PTK2: variants seen among roughly 807,000 people sequenced by gnomAD.
PTK2 encodes the protein protein tyrosine kinase 2.
PTK2 carries 45 observed loss-of-function variants against 150.1 expected under a neutral mutation model. The observed-to-expected ratio is 0.30, with a 90% CI of 0.24 to 0.38. The LOEUF (loss-of-function observed/expected upper bound fraction) is 0.38, where lower values mean the gene tolerates loss of function less well. Among genes scored for constraint, PTK2 ranks in the 10% least tolerant of loss-of-function variants. PTK2 has a pLI of 1.00. For missense variants in PTK2, 919 were observed against 1,307.3 expected (o/e 0.70, Z 4.58); for synonymous variants, 432 against 449.2 (o/e 0.96, Z 0.48).
chr8:140,700,840 G>C (rs765242154), intron 26 of PTK2, 51 bp downstream of exon 29: 1 of 1,597,056 alleles, frequency 6.3e-7, no homozygotes. Context: ...CAATATAGTA[G>C]ACTCTAACAG....
At chr8:140,749,096 C>T (rs543648943) in intron 17 of PTK2, among the ~76,000 whole-genome samples, 1 of 152,280 alleles carries the variant, frequency 6.6e-6, no homozygotes, top group East Asian at 1.9e-4. Flanking sequence ...CTGTCTAGCT[C>T]ACTTATGTGT....
intron 1 of PTK2, among the ~76,000 whole-genome samples, chr8:140,973,102 G>C (rs2100187955): frequency 6.6e-6 from 1 of 152,140 alleles, no homozygotes; most frequent in Admixed American, 6.5e-5. Flanking sequence ...CTTATATCTA[G>C]GAGCAATAAT....
Position 140,679,557 on chromosome 8 carries a change from C to T in PTK2, c.2563-4058G>A, listed in dbSNP as rs115062087. 3.8e-3 allele frequency among the ~76,000 whole-genome samples: 580 copies of T among 152,188 alleles called. 5 individuals carry two copies. Among genetic ancestry groups the T allele is most frequent in the African/African-American group, 0.013 (555 of 41,530 alleles). On this transcript the variant is annotated intron_variant, in intron 27 of 31. Coordinates refer to ENST00000522684, the Ensembl canonical transcript of PTK2. ...GCTAGGCCTCGTGCATGGTTCTGTG[C>T]GGAACCAGCTGTTTACTTTGGAAAA...
intron 23 of PTK2, among the ~76,000 whole-genome samples, chr8:140,706,757 T>C (rs1350655710): frequency 2.0e-5 from 3 of 152,150 alleles, no homozygotes; most frequent in South Asian, 2.1e-4. Context: ...TGAAAATATA[T>C]ATCCACACAA....
chr8:140,861,080 C>G (rs1318124434), intron 5 of PTK2, among the ~76,000 whole-genome samples: 1 of 152,204 alleles, frequency 6.6e-6, no homozygotes, highest in Non-Finnish European at 1.5e-5. Context: ...GTGGCTCATG[C>G]CTATACTCCC....
chr8:140,674,810 G>T (rs1295862716), intron 28 of PTK2, among the ~76,000 whole-genome samples: 2 of 151,964 alleles, frequency 1.3e-5, no homozygotes, highest in African/African-American at 2.4e-5. Flanking sequence ...CACTTTGGGA[G>T]GCTGAGGCGG....
intron 10 of PTK2, among the ~76,000 whole-genome samples, chr8:140,810,248 G>T (rs1366403855): frequency 1.3e-5 from 2 of 152,250 alleles, no homozygotes; most frequent in Non-Finnish European, 2.9e-5. Flanking sequence ...AGCCCAGAGG[G>T]TTTGGTGCAG....
intron 1 of PTK2, among the ~76,000 whole-genome samples, chr8:140,953,557 G>C (rs1369049562): frequency 6.6e-5 from 10 of 152,186 alleles, no homozygotes; most frequent in Non-Finnish European, 1.5e-4. Context: ...GGACAGATCA[G>C]GGTGCATGAG....
exon 30 of PTK2, chr8:140,668,325 C>T (rs745501327): frequency 9.9e-6 from 16 of 1,613,964 alleles, no homozygotes; most frequent in African/African-American, 2.7e-5. Context: ...CTGGACATCT[C>T]GATGACAGCT....
At chr8:140,743,320 C>T (rs748823989) in exon 20 of PTK2, 12 of 1,612,208 alleles carry the variant, frequency 7.4e-6, no homozygotes, top group Non-Finnish European at 1.0e-5. Flanking sequence ...ACATTCCGAG[C>T]AGCAATGTCC....
chr8:140,769,721 A>T (rs953208276), intron 14 of PTK2, 129 bp from the exon 16 acceptor site: 7 of 474,458 alleles, frequency 1.5e-5, no homozygotes, highest in East Asian at 1.3e-4. Context: ...TAAGAAAAAT[A>T]AAAAACAATT....
chr8:140,813,183 C>T (rs565595757), intron 10 of PTK2, among the ~76,000 whole-genome samples: 2 of 152,210 alleles, frequency 1.3e-5, no homozygotes, highest in East Asian at 1.9e-4. Flanking sequence ...ATAACCATTC[C>T]CTCAGAGCAC....
In PTK2 at chr8:140,693,573, A is replaced by T. The variant is rs1428152962; in HGVS notation, c.2500-6879T>A. Among the ~76,000 whole-genome samples, 224 of 48,994 alleles carry T rather than the reference A, an allele frequency of 4.6e-3. 31 individuals carry two copies. In the East Asian group the frequency reaches 0.068, roughly 15 times the overall value. The allele number at this position is 48,994 out of a possible 152,430, so 32.1% of individuals were successfully genotyped here. Reference sequence around the variant, plus strand: ...GAGACTTTGTCTCAATTAAAAAAAAAAAAAAAAAAAAAAAAAAAAAAAAAA... The same window carrying T: ...GAGACTTTGTCTCAATTAAAAAAAATAAAAAAAAAAAAAAAAAAAAAAAAA... On this transcript the variant is annotated intron_variant, in intron 26 of 31. Coordinates refer to ENST00000522684, the Ensembl canonical transcript of PTK2.
chr8:140,989,617 G>A (rs1350449519), intron 1 of PTK2, among the ~76,000 whole-genome samples: 1 of 151,608 alleles, frequency 6.6e-6, no homozygotes, highest in Non-Finnish European at 1.5e-5. Context: ...ATTTTAAAAA[G>A]TGCAACCTCG....
At chr8:140,951,508 G>C (rs570714260) in intron 1 of PTK2, among the ~76,000 whole-genome samples, 22 of 152,176 alleles carry the variant, frequency 1.4e-4, no homozygotes, top group Non-Finnish European at 3.1e-4. Flanking sequence ...CTGGTTATGA[G>C]GTTATTTTCC....
Position 140,670,488 on chromosome 8 carries a change from AACACACACACACACACAC to A in PTK2, c.2710-2082_2710-2065del, listed in dbSNP as rs57247522. Among the ~76,000 whole-genome samples, 64 of 38,980 alleles carry A rather than the reference AACACACACACACACACAC, an allele frequency of 1.6e-3. 6 individuals are homozygous for A. Among genetic ancestry groups the A allele is most frequent in the Middle Eastern group, 0.043 (2 of 46 alleles). 25.6% of individuals were successfully genotyped at this position (38,980 alleles called of 152,430 possible). A position where few individuals can be genotyped will look rare whatever the true frequency, so the allele number is the denominator to read the frequency against. On this transcript the variant is annotated intron_variant, in intron 29 of 31. Coordinates refer to ENST00000522684, the Ensembl canonical transcript of PTK2. ...AAAAAAAAAAAAAAAAAAAAACAACAACACACACACACACACACACACACACACACACACACACACACA... is the reference window on the plus strand; with the variant it reads ...AAAAAAAAAAAAAAAAAAAAACAACAACACACACACACACACACACACACA...
chr8:140,758,520 G>GC (rs2154541123), intron 16 of PTK2, among the ~76,000 whole-genome samples: 1 of 152,310 alleles, frequency 6.6e-6, no homozygotes, highest in South Asian at 2.1e-4. Context: ...GCACATTACT[G>GC]CCTCTGAGGA....
chr8:140,927,110 A>G (rs542101990), intron 1 of PTK2, among the ~76,000 whole-genome samples: 71 of 152,230 alleles, frequency 4.7e-4, no homozygotes, highest in Non-Finnish European at 8.4e-4. Flanking sequence ...GAAGAAGTTC[A>G]AAGTGTTCAA....
intron 14 of PTK2, among the ~76,000 whole-genome samples, chr8:140,782,571 T>C (rs375652546): frequency 6.6e-6 from 1 of 152,102 alleles, no homozygotes; most frequent in East Asian, 1.9e-4. Flanking sequence ...TTTTTCAGTG[T>C]CCCGTAGATT....
Sources: allele counts gnomAD v4.1 joint callset (sites outside exome capture counted in the v4.1 genomes callset), GRCh38; gene constraint gnomAD v4.1.1; transcripts MANE v1.5; gene names NCBI Gene and HGNC (gene_info 2026-07-23, HGNC 2026-07-21).